Variants in KMT2E observed in about 807,000 individuals in gnomAD.
KMT2E encodes the protein histone reader KMT2E.
Under a neutral mutation model 184.6 loss-of-function variants are expected in KMT2E, and 30 were observed. That is an observed-to-expected ratio of 0.16 (90% CI 0.12 to 0.22). The LOEUF (loss-of-function observed/expected upper bound fraction) is 0.22. KMT2E is among the 10% of genes least tolerant of loss of function. The probability of loss-of-function intolerance (pLI) is 1.00; values close to 1 mark genes in which losing one functional copy is unlikely to be tolerated. For synonymous variants in KMT2E, 815 were observed against 776.5 expected (o/e 1.05, Z -0.82); for missense variants, 2,023 against 2,237.4 (o/e 0.90, Z 1.93).
At position 105,074,795 on chromosome 7, in the gene KMT2E, C is replaced by T. The variant is rs200620705; in HGVS notation, c.709C>T (p.His237Tyr). The T allele has an allele frequency of 1.1e-5, 18 of 1,604,672 alleles. No individual in the cohort carries two copies. Among genetic ancestry groups the T allele is most frequent in the Non-Finnish European group, 1.4e-5 (17 of 1,176,684 alleles). The change falls in exon 8 of 27, where the codon CAC becomes TAC. Residue 237 changes from histidine (H) to tyrosine (Y), a missense_variant. Transcript: ENST00000311117. ...GAAAAAAAGCGGGGAGAAAGAACAA[C>T]ACATTTCAAAATGTAAAAAGGTACG... is the stretch of plus-strand genomic sequence containing the variant. ...RRKKSGEKEQ[H>Y]ISKCKKAFRE...
Position 105,066,826 on chromosome 7 carries a change from A to T in KMT2E, c.497+19A>T. ...AGCCTAGGTAAGTTGCACATATCTG[A>T]TAACATTGCCAGTAATTTTACTGAG... is the stretch of plus-strand genomic sequence containing the variant. On this transcript the variant is annotated intron_variant, in intron 6 of 26. Coordinates refer to ENST00000311117, the MANE Select transcript of KMT2E (RefSeq NM_182931.3). 6.6e-7 allele frequency: 1 copy of T among 1,516,028 alleles called. No homozygotes were observed. The highest frequency in any genetic ancestry group is 9.2e-7 in the Non-Finnish European group (1 of 1,091,182). The allele number at this position is 1,516,028 out of a possible 1,614,324, so 93.9% of individuals were successfully genotyped here. A position where few individuals can be genotyped will look rare whatever the true frequency, so the allele number is the denominator to read the frequency against.
intron 1 of KMT2E, among the ~76,000 whole-genome samples, chr7:105,019,611 A>G (rs1562871878): frequency 6.6e-6 from 1 of 152,186 alleles, no homozygotes; most frequent in Non-Finnish European, 1.5e-5. Flanking sequence ...AATATTTTGT[A>G]TTTCAAAACT....
intron 3 of KMT2E, among the ~76,000 whole-genome samples, chr7:105,043,382 G>GC (rs1226015236): frequency 6.7e-6 from 1 of 149,714 alleles, no homozygotes; most frequent in African/African-American, 2.4e-5. Context: ...GACTACAGGC[G>GC]CCCGCCACTA....
intron 15 of KMT2E, 139 bp from the exon 16 acceptor site, chr7:105,101,286 C>A: frequency 1.9e-6 from 1 of 529,878 alleles, no homozygotes; most frequent in Non-Finnish European, 3.1e-6. Flanking sequence ...TGTTTTTTCT[C>A]CCCATATCCA....
At chr7:105,096,537 T>C (rs370734578) in intron 15 of KMT2E, among the ~76,000 whole-genome samples, 6 of 151,946 alleles carry the variant, frequency 3.9e-5, no homozygotes, top group African/African-American at 1.4e-4. Flanking sequence ...CCTGGACTTG[T>C]CAAGCAGGTA....
chr7:105,018,859 G>A (rs1163866786), intron 1 of KMT2E, among the ~76,000 whole-genome samples: 1 of 151,998 alleles, frequency 6.6e-6, no homozygotes, highest in Non-Finnish European at 1.5e-5. Context: ...AGTATTTGTT[G>A]TTGAAATTGT....
intron 15 of KMT2E, among the ~76,000 whole-genome samples, chr7:105,093,307 C>T: frequency 6.6e-6 from 1 of 152,114 alleles, no homozygotes; most frequent in East Asian, 1.9e-4. Context: ...TTGTATGGGG[C>T]TACTTTAAAT....
chr7:105,095,609 T>A (rs1268609989), intron 15 of KMT2E, among the ~76,000 whole-genome samples: 2 of 152,214 alleles, frequency 1.3e-5, no homozygotes, highest in African/African-American at 2.4e-5. Context: ...ATGAACATTT[T>A]CTTTTTCCAT....
At chr7:105,106,868 A>G (rs1798921025) in intron 20 of KMT2E, 96 bp downstream of exon 20, 1 of 1,196,958 alleles carries the variant, frequency 8.4e-7, no homozygotes, top group East Asian at 2.4e-5. Flanking sequence ...TAGTGTGCTG[A>G]GAATACAAAA....
chr7:105,063,407 A>G lies in KMT2E; in HGVS notation c.243A>G (p.Ser81=), dbSNP rs1251266737. The G allele has an allele frequency of 6.2e-7, 1 of 1,613,452 alleles. No individual in the cohort carries two copies. Among genetic ancestry groups the G allele is most frequent in the Non-Finnish European group, 8.5e-7 (1 of 1,179,794 alleles). The change falls in exon 5 of 27, where the codon TCA becomes TCG. Residue 81 remains serine, a synonymous_variant. Transcript: ENST00000311117. ...CACCTCCGGCTTCCCCTCCTCCATC[A>G]GTCCTTATTAGCAAAAATGAAGTAG... ...PPTPPASPPP[S]VLISKNEVGI... is the part of the protein sequence containing the mutation.
At position 105,107,659 on chromosome 7, in the gene KMT2E, G is replaced by GTCT. The variant is rs1798971554; in HGVS notation, c.3203_3204insCTT (p.Val1068_Lys1069insLeu). 1 of 1,614,000 alleles carries GTCT rather than the reference G, an allele frequency of 6.2e-7. No homozygotes were observed. Among genetic ancestry groups the GTCT allele is most frequent in the Non-Finnish European group, 8.5e-7 (1 of 1,180,034 alleles). ...ACGGGGCACAATGTATTCTTCCTGG[G>GTCT]TAAAGAGCCCTGACAGAACAGGAGT... On this transcript the variant is annotated inframe_insertion, in exon 22 of 27. Transcript: ENST00000311117.
At chr7:105,045,504 T>C (rs1015289385) in intron 3 of KMT2E, among the ~76,000 whole-genome samples, 2 of 152,222 alleles carry the variant, frequency 1.3e-5, no homozygotes, top group African/African-American at 4.8e-5. Flanking sequence ...TATCTTTATT[T>C]GCCTATTCTA....
chr7:105,040,977 G>T lies in KMT2E; in HGVS notation c.25G>T (p.Val9Phe). MSIVIPLGVDTAETSYLEM... is the reference protein window; with the variant it reads MSIVIPLGFDTAETSYLEM... The stretch of plus-strand genomic sequence containing the variant: ...CATGAGCATAGTGATCCCATTGGGG[G>T]TTGATACAGCAGAGACGTCATACTT... The change falls in exon 3 of 27, where the codon GTT (valine) becomes TTT (phenylalanine). Residue 9 changes from valine (V) to phenylalanine (F), a missense_variant. Val to Phe is a conservative substitution (Grantham distance 50). Coordinates refer to ENST00000311117, the MANE Select transcript of KMT2E (RefSeq NM_182931.3). The T allele has an allele frequency of 6.2e-7, 1 of 1,602,504 alleles. No individual in the cohort carries two copies. The highest frequency in any genetic ancestry group is 1.1e-5 in the South Asian group (1 of 90,700).
intron 6 of KMT2E, among the ~76,000 whole-genome samples, chr7:105,072,049 C>A (rs530077056): frequency 6.6e-6 from 1 of 151,958 alleles, no homozygotes; most frequent in Non-Finnish European, 1.5e-5. Context: ...CGGTGGCTCA[C>A]ACCTGTAATC....
rs1799381530 is a variant in KMT2E at position 105,112,830 on chromosome 7, C to T, written c.5074C>T (p.Pro1692Ser). 6.9e-7 allele frequency: 1 copy of T among 1,448,190 alleles called. No individual in the cohort carries two copies. The highest frequency in any genetic ancestry group is 1.8e-5 in the Admixed American group (1 of 54,534). 89.7% of individuals were successfully genotyped at this position (1,448,190 alleles called of 1,614,324 possible). The change falls in exon 27 of 27, where the codon CCA becomes TCA. Residue 1692 changes from proline to serine, a missense_variant. By Grantham distance (74) the Pro-to-Ser change is moderately conservative. Transcript: ENST00000311117. ...PPPGPAPHHH[P>S]PPHPSTGLQG... ...TCCTGGTCCTGCCCCTCATCACCAT[C>T]CACCACCCCATCCATCCACAGGACT...
At position 105,109,120 on chromosome 7, in the gene KMT2E, C is replaced by T. The variant is rs1799054049; in HGVS notation, c.3647C>T (p.Pro1216Leu). ...CAGGTGGACCACACTGCTAGCCTACCTTTACCAACACCAGCTACAGTTTAT... is the reference window on the plus strand; with the variant it reads ...CAGGTGGACCACACTGCTAGCCTACTTTTACCAACACCAGCTACAGTTTAT... ...GEQVDHTASL[P>L]LPTPATVYNA... is the part of the protein sequence containing the mutation. The change falls in exon 23 of 27, where the codon CCT becomes CTT. Residue 1216 changes from proline to leucine, a missense_variant. Transcript: ENST00000311117. The T allele has an allele frequency of 9.3e-6, 15 of 1,614,162 alleles. No individual in the cohort carries two copies. Among genetic ancestry groups the T allele is most frequent in the Non-Finnish European group, 1.3e-5 (15 of 1,179,994 alleles).
chr7:105,063,402 C>G lies in KMT2E; in HGVS notation c.238C>G (p.Pro80Ala). The stretch of plus-strand genomic sequence containing the variant: ...TCCGACACCTCCGGCTTCCCCTCCT[C>G]CATCAGTCCTTATTAGCAAAAATGA... ...PPPTPPASPPPSVLISKNEVG... is the reference protein window; with the variant it reads ...PPPTPPASPPASVLISKNEVG... The change falls in exon 5 of 27, where the codon CCA (proline) becomes GCA (alanine). Residue 80 changes from proline (P) to alanine (A), a missense_variant. Around this residue, in one of 8 missense-constraint regions of KMT2E, gnomAD observed 48 missense variants for 51.5 expected, o/e 0.93. Transcript: ENST00000311117. The G allele has an allele frequency of 6.2e-7, 1 of 1,613,574 alleles. No homozygotes were observed. The highest frequency in any genetic ancestry group is 8.5e-7 in the Non-Finnish European group (1 of 1,179,750).
intron 13 of KMT2E, among the ~76,000 whole-genome samples, chr7:105,084,882 C>G (rs919238270): frequency 2.0e-5 from 3 of 152,052 alleles, no homozygotes; most frequent in Admixed American, 6.5e-5. Context: ...AATAATATGT[C>G]TTTACATGAC....
intron 6 of KMT2E, among the ~76,000 whole-genome samples, chr7:105,068,397 G>C (rs974293176): frequency 6.6e-6 from 1 of 151,762 alleles, no homozygotes; most frequent in African/African-American, 2.4e-5. Flanking sequence ...GCAAATTAGT[G>C]ATATGTTAAT....
Sources: gnomAD v4.1 joint callset for allele counts (sites outside exome capture counted in the v4.1 genomes callset) on GRCh38, gnomAD v4.1.1 for gene constraint, gnomAD v4.1.1 regional missense constraint, MANE v1.5 for transcripts, NCBI Gene and HGNC (gene_info 2026-07-23, HGNC 2026-07-21) for gene names.